Variants in GRAMD1B observed in about 807,000 individuals in gnomAD.
GRAMD1B encodes the protein protein Aster-B.
Under a neutral mutation model 99.7 loss-of-function variants are expected in GRAMD1B, and 37 were observed. That is an observed-to-expected ratio of 0.37 (90% CI 0.29 to 0.49). GRAMD1B has a LOEUF of 0.49. Among genes scored for constraint, GRAMD1B ranks in the 20% least tolerant of loss-of-function variants. The pLI is 0.98. For synonymous variants in GRAMD1B, 427 were observed against 387.6 expected, an observed-to-expected ratio of 1.10 and a Z score of -1.19; for missense variants, 888 against 1,009.2, an observed-to-expected ratio of 0.88 and a Z score of 1.63.
intron 1 of GRAMD1B, among the ~76,000 whole-genome samples, chr11:123,378,720 C>A (rs1166695756): frequency 2.0e-5 from 3 of 152,198 alleles, no homozygotes; most frequent in Non-Finnish European, 4.4e-5. Context: ...AAGATTACAG[C>A]ATATGTAGGC....
intron 2 of GRAMD1B, among the ~76,000 whole-genome samples, chr11:123,570,516 T>C (rs1429790739): frequency 1.3e-5 from 2 of 148,728 alleles, no homozygotes; most frequent in African/African-American, 5.0e-5. Context: ...CTCCACCTCC[T>C]GGGTTCAACT....
At chr11:123,486,492 G>T (rs1937787288) in intron 2 of GRAMD1B, among the ~76,000 whole-genome samples, 1 of 150,684 alleles carries the variant, frequency 6.6e-6, no homozygotes, top group Non-Finnish European at 1.5e-5. Context: ...AGGTTGTAAT[G>T]AGCCTAGACT....
intron 2 of GRAMD1B, among the ~76,000 whole-genome samples, chr11:123,508,075 G>A (rs1940614847): frequency 6.6e-6 from 1 of 152,244 alleles, no homozygotes; most frequent in African/African-American, 2.4e-5. Context: ...TCCATGGAGG[G>A]TAATGGATTT....
At chr11:123,433,047 A>C (rs1275255616) in intron 1 of GRAMD1B, among the ~76,000 whole-genome samples, 1 of 152,082 alleles carries the variant, frequency 6.6e-6, no homozygotes, top group African/African-American at 2.4e-5. Context: ...GGTGGGAGCT[A>C]ACCTTGAACT....
At chr11:123,545,269 C>A (rs992486983) in intron 2 of GRAMD1B, among the ~76,000 whole-genome samples, 1 of 152,208 alleles carries the variant, frequency 6.6e-6, no homozygotes, top group Non-Finnish European at 1.5e-5. Context: ...TCCTTTCCTG[C>A]CCCACCCACC....
At chr11:123,521,852 G>A (rs1205358414) in intron 2 of GRAMD1B, among the ~76,000 whole-genome samples, 1 of 152,184 alleles carries the variant, frequency 6.6e-6, no homozygotes, top group East Asian at 1.9e-4. Flanking sequence ...TGTGCTCTGG[G>A]AGGCCATGAA....
chr11:123,408,008 T>G (rs1947913165), intron 1 of GRAMD1B, among the ~76,000 whole-genome samples: 1 of 152,226 alleles, frequency 6.6e-6, no homozygotes, highest in African/African-American at 2.4e-5. Flanking sequence ...ATCATCATCT[T>G]GACACTTTCA....
At position 123,564,728 on chromosome 11, in the gene GRAMD1B, G is replaced by C. The variant is rs192157907; in HGVS notation, c.453-12639G>C. Among the ~76,000 whole-genome samples the C allele has an allele frequency of 1.3e-3, 191 of 152,278 alleles. No individual in the cohort carries two copies. In the Middle Eastern group the frequency reaches 0.014, roughly 11 times the overall value. On this transcript the variant is annotated intron_variant, in intron 2 of 19. Transcript: ENST00000635736. ...GATGGATCCTGCAGGAATTCCTTTT[G>C]GTTTTAGTAGCAGCATTTCTCTTGC...
intron 1 of GRAMD1B, among the ~76,000 whole-genome samples, chr11:123,386,096 G>T (rs912248632): frequency 1.3e-5 from 2 of 152,178 alleles, no homozygotes; most frequent in African/African-American, 2.4e-5. Flanking sequence ...TGTGGGCCTT[G>T]AGCAGGTTAT....
chr11:123,562,002 GCAAAA>G (rs1946825200), intron 2 of GRAMD1B, among the ~76,000 whole-genome samples: 1 of 152,080 alleles, frequency 6.6e-6, no homozygotes, highest in African/African-American at 2.4e-5. Context: ...TTAAGCAACT[GCAAAA>G]CAATCACTTG....
chr11:123,588,390 G>A (rs114468774), intron 4 of GRAMD1B, among the ~76,000 whole-genome samples: 3,899 of 152,260 alleles, frequency 0.026, 138 homozygotes, highest in African/African-American at 0.083. Flanking sequence ...AGCCTTCTGC[G>A]TACGGGACTC....
intron 4 of GRAMD1B, among the ~76,000 whole-genome samples, chr11:123,585,263 G>A (rs1004034858): frequency 2.6e-5 from 4 of 152,224 alleles, no homozygotes; most frequent in Non-Finnish European, 2.9e-5. Flanking sequence ...CTCTGGCCAG[G>A]GGATGGGCTG....
chr11:123,405,191 CATGTGT>C (rs1219341329), intron 1 of GRAMD1B, among the ~76,000 whole-genome samples: 4 of 107,776 alleles, frequency 3.7e-5, no homozygotes, highest in African/African-American at 2.2e-4. Flanking sequence ...ATCATGTGTG[CATGTGT>C]GTGTGTGTGT....
At chr11:123,527,781 C>G (rs145686400) in intron 2 of GRAMD1B, among the ~76,000 whole-genome samples, 179 of 152,292 alleles carry the variant, frequency 1.2e-3, no homozygotes, top group African/African-American at 4.1e-3. Flanking sequence ...TGTCAGCACA[C>G]CCAACTTGGG....
chr11:123,457,119 A>AAGAAAGAAAGAAAGAAAGAG (rs1950180934), intron 1 of GRAMD1B, among the ~76,000 whole-genome samples: 2 of 149,176 alleles, frequency 1.3e-5, no homozygotes, highest in Admixed American at 6.8e-5. Flanking sequence ...CTGAGAAAAA[A>AAGAAAGAAAGAAAGAAAGAG]AGAAAGAAAG....
intron 4 of GRAMD1B, among the ~76,000 whole-genome samples, chr11:123,589,310 C>T (rs1022842648): frequency 6.6e-6 from 1 of 151,734 alleles, no homozygotes; most frequent in African/African-American, 2.4e-5. Context: ...TGGAGAGCTG[C>T]GTCTGCATCC....
At chr11:123,568,243 G>A (rs370173328) in intron 2 of GRAMD1B, among the ~76,000 whole-genome samples, 14 of 152,332 alleles carry the variant, frequency 9.2e-5, no homozygotes, top group African/African-American at 2.4e-4. Flanking sequence ...TGTGAGGGGC[G>A]GAGTGCAGAA....
At chr11:123,434,800 G>C (rs562250553) in intron 1 of GRAMD1B, among the ~76,000 whole-genome samples, 1 of 152,300 alleles carries the variant, frequency 6.6e-6, no homozygotes, top group East Asian at 1.9e-4. Context: ...AAAGAAAATA[G>C]AATTGGCATT....
At chr11:123,617,103 A>G (rs1954517508) in intron 17 of GRAMD1B, among the ~76,000 whole-genome samples, 1 of 152,048 alleles carries the variant, frequency 6.6e-6, no homozygotes, top group Non-Finnish European at 1.5e-5. Flanking sequence ...CCTAAGGCAT[A>G]GCATAAGCTT....
Sources: gnomAD v4.1 joint callset for allele counts (sites outside exome capture counted in the v4.1 genomes callset) on GRCh38, gnomAD v4.1.1 for gene constraint, MANE v1.5 for transcripts, NCBI Gene and HGNC (gene_info 2026-07-23, HGNC 2026-07-21) for gene names.